Variants in ZNF610 observed in about 807,000 individuals in gnomAD.
The protein encoded by ZNF610 is zinc finger protein 610.
ZNF610 carries 14 observed loss-of-function variants against 14.1 expected under a neutral mutation model. The ratio of observed to expected loss-of-function variants is 0.99; its 90% CI spans 0.65 to 1.55. The LOEUF (loss-of-function observed/expected upper bound fraction) is 1.55. Ranked by LOEUF, ZNF610 falls within the 40% of genes most tolerant of loss-of-function variation. The pLI is 0.00. For synonymous variants in ZNF610, 185 were observed against 187.6 expected (o/e 0.99, Z 0.11); for missense variants, 530 against 558.0 (o/e 0.95, Z 0.51).
At position 52,347,771 on chromosome 19, in the gene ZNF610, C is replaced by T. The variant is rs1317884863; in HGVS notation, c.-193C>T. 6.6e-6 allele frequency: 1 copy of T among 152,164 alleles called. No individual in the cohort carries two copies. The highest frequency in any genetic ancestry group is 1.5e-5 in the Non-Finnish European group (1 of 68,036). The allele number at this position is 152,164 out of a possible 1,614,324, so 9.4% of individuals were successfully genotyped here. A position where few individuals can be genotyped will look rare whatever the true frequency, so the allele number is the denominator to read the frequency against. On this transcript the variant is annotated 5_prime_UTR_variant, in exon 2 of 6. Coordinates refer to ENST00000403906, the MANE Select transcript of ZNF610 (RefSeq NM_001161425.2). Reference sequence around the variant, plus strand: ...ATTCTGGAGTCAAGCAGTCTGCCTGCCTCGTTCTCCAAACGTGCTGGGATT... The same window carrying T: ...ATTCTGGAGTCAAGCAGTCTGCCTGTCTCGTTCTCCAAACGTGCTGGGATT...
upstream of ZNF610, among the ~76,000 whole-genome samples, chr19:52,333,723 G>A (rs1984260110): frequency 6.6e-6 from 1 of 152,162 alleles, no homozygotes; most frequent in Non-Finnish European, 1.5e-5. Flanking sequence ...CTCTTTAAAG[G>A]AGAACTTTAA....
At chr19:52,335,816 C>A (rs1026031931), upstream of ZNF610, among the ~76,000 whole-genome samples, 2 of 152,060 alleles carry the variant, frequency 1.3e-5, no homozygotes, top group African/African-American at 4.8e-5. Context: ...GAATTCCAGG[C>A]CTTTTAAATT....
At chr19:52,340,103 A>C (rs546210703) in intron 1 of ZNF610, among the ~76,000 whole-genome samples, 1 of 152,398 alleles carries the variant, frequency 6.6e-6, no homozygotes, top group South Asian at 2.1e-4. Context: ...AGCGTGCCAC[A>C]GAACTGGTCA....
chr19:52,362,893 T>G (rs1985848814), intron 5 of ZNF610, among the ~76,000 whole-genome samples: 2 of 152,178 alleles, frequency 1.3e-5, no homozygotes, highest in African/African-American at 4.8e-5. Flanking sequence ...AGGTGATGTG[T>G]TGTGTATACG....
chr19:52,351,356 T>C (rs1484512251), intron 3 of ZNF610, among the ~76,000 whole-genome samples: 1 of 151,930 alleles, frequency 6.6e-6, no homozygotes, highest in African/African-American at 2.4e-5. Flanking sequence ...CTTGGGAGGC[T>C]TAGGCGGGAG....
intron 5 of ZNF610, among the ~76,000 whole-genome samples, chr19:52,360,375 TA>T (rs76561275): frequency 0.18 from 27,643 of 152,162 alleles, 2,855 homozygotes; most frequent in East Asian, 0.32. Context: ...AATATATATG[TA>T]ATACCATAAC....
chr19:52,362,985 A>G lies in ZNF610; in HGVS notation c.320-2713A>G, dbSNP rs529135569. Among the ~76,000 whole-genome samples the G allele has an allele frequency of 1.1e-4, 17 of 151,738 alleles. No individual in the cohort carries two copies. The South Asian group carries it at 3.6e-3, about 32-fold the overall frequency. On this transcript the variant is annotated intron_variant, in intron 5 of 5. Transcript: ENST00000403906. ...CTTTGATTTTTATTTATTTATTTTT[A>G]TTTTTTAGTTTTAAGGAGCAGGGAG...
chr19:52,364,094 C>T (rs868608872), intron 5 of ZNF610, among the ~76,000 whole-genome samples: 7 of 152,290 alleles, frequency 4.6e-5, no homozygotes, highest in Middle Eastern at 3.4e-3. Flanking sequence ...ATGTCAACAG[C>T]TTAACCTTGA....
At chr19:52,361,605 T>A (rs1006487313) in intron 5 of ZNF610, among the ~76,000 whole-genome samples, 2 of 145,844 alleles carry the variant, frequency 1.4e-5, no homozygotes, top group African/African-American at 4.9e-5. Flanking sequence ...TCAATCTTTT[T>A]AAAATTTATT....
At chr19:52,339,982 T>C (rs1984598715) in intron 1 of ZNF610, among the ~76,000 whole-genome samples, 1 of 152,178 alleles carries the variant, frequency 6.6e-6, no homozygotes, top group Admixed American at 6.5e-5. Context: ...TTTATCTGCA[T>C]CTAAACTGAG....
chr19:52,357,367 C>G (rs747650366), intron 5 of ZNF610, among the ~76,000 whole-genome samples: 6 of 152,010 alleles, frequency 3.9e-5, no homozygotes, highest in Non-Finnish European at 5.9e-5. Flanking sequence ...AAAAATTGGC[C>G]GGGCGCAGTG....
At chr19:52,358,302 G>C (rs1985626113) in intron 5 of ZNF610, among the ~76,000 whole-genome samples, 1 of 152,166 alleles carries the variant, frequency 6.6e-6, no homozygotes, top group Non-Finnish European at 1.5e-5. Context: ...TCCTGCCTCA[G>C]CCTCCTGAGT....
At chr19:52,355,922 G>T (rs1329769443) in intron 5 of ZNF610, among the ~76,000 whole-genome samples, 2 of 152,226 alleles carry the variant, frequency 1.3e-5, no homozygotes, top group African/African-American at 4.8e-5. Context: ...TAGTTCACGA[G>T]CGGCTTCATC....
At chr19:52,356,794 C>G (rs993309805) in intron 5 of ZNF610, among the ~76,000 whole-genome samples, 2 of 152,092 alleles carry the variant, frequency 1.3e-5, no homozygotes, top group East Asian at 3.8e-4. Context: ...CTCAGAAATA[C>G]CATTACACTG....
At chr19:52,364,792 G>C (rs750628535) in intron 5 of ZNF610, among the ~76,000 whole-genome samples, 2 of 152,112 alleles carry the variant, frequency 1.3e-5, no homozygotes, top group Non-Finnish European at 1.5e-5. Flanking sequence ...TGGCCAGGCT[G>C]GTCTTGAACT....
At chr19:52,355,803 A>T (rs1339988568) in intron 5 of ZNF610, among the ~76,000 whole-genome samples, 2 of 152,220 alleles carry the variant, frequency 1.3e-5, no homozygotes, top group Non-Finnish European at 2.9e-5. Flanking sequence ...ATACAGATGG[A>T]CAGCCAGATG....
Position 52,353,683 on chromosome 19 carries a change from G to T in ZNF610, c.65G>T (p.Gly22Val), listed in dbSNP as rs1985370237. 2 of 1,613,446 alleles carry T rather than the reference G, an allele frequency of 1.2e-6. No homozygotes were observed. ...AKESGMALPQ[G>V]RLTFMDVAIE... ...TAAACAATGTGGTCCTCATTTTAGG[G>T]ACGCTTGACATTCATGGACGTGGCC... The change falls in exon 4 of 6, where the codon GGA becomes GTA. Residue 22 changes from glycine (G) to valine (V), a missense_variant and splice_region_variant. By Grantham distance (109) the Gly-to-Val change is moderately radical. Coordinates refer to ENST00000403906, the MANE Select transcript of ZNF610 (RefSeq NM_001161425.2).
chr19:52,364,952 TG>T (rs1985945634), intron 5 of ZNF610, among the ~76,000 whole-genome samples: 1 of 152,098 alleles, frequency 6.6e-6, no homozygotes, highest in African/African-American at 2.4e-5. Context: ...TGCTTTAAGA[TG>T]TTTAATGATA....
chr19:52,339,805 G>C (rs1274092109), intron 1 of ZNF610, among the ~76,000 whole-genome samples: 1 of 152,120 alleles, frequency 6.6e-6, no homozygotes, highest in African/African-American at 2.4e-5. Context: ...GATTACAGGT[G>C]CCCGTCACCA....
Sources: gnomAD v4.1 joint callset for allele counts (sites outside exome capture counted in the v4.1 genomes callset) on GRCh38, gnomAD v4.1.1 for gene constraint, MANE v1.5 for transcripts, NCBI Gene and HGNC (gene_info 2026-07-23, HGNC 2026-07-21) for gene names.